Variants in PACRG observed in about 807,000 individuals in gnomAD.
PACRG encodes the protein parkin coregulated.
A neutral mutation model predicts 29.7 loss-of-function variants in PACRG; 29 were observed. The ratio of observed to expected loss-of-function variants is 0.98; its 90% CI spans 0.73 to 1.33. The LOEUF is 1.33. Among genes scored for constraint, PACRG ranks in the 40% most tolerant of loss-of-function variants. PACRG has a pLI of 0.00. For missense variants in PACRG, 279 were observed against 316.2 expected (o/e 0.88, Z 0.89); for synonymous variants, 116 against 118.7 (o/e 0.98, Z 0.15).
At chr6:163,232,473 G>A (rs565707879) in intron 4 of PACRG, among the ~76,000 whole-genome samples, 2 of 152,118 alleles carry the variant, frequency 1.3e-5, no homozygotes, top group African/African-American at 2.4e-5. Context: ...AGGAAAGGAG[G>A]AACAAAGGAA....
At chr6:163,047,910 T>C (rs1179268315) in intron 2 of PACRG, among the ~76,000 whole-genome samples, 1 of 152,228 alleles carries the variant, frequency 6.6e-6, no homozygotes, top group Non-Finnish European at 1.5e-5. Flanking sequence ...AGGTCTTACA[T>C]AGTGATTGTT....
At chr6:163,292,502 G>GC (rs1294555278) in intron 4 of PACRG, among the ~76,000 whole-genome samples, 4 of 152,208 alleles carry the variant, frequency 2.6e-5, no homozygotes, top group Non-Finnish European at 2.9e-5. Flanking sequence ...CTGGGTTCAA[G>GC]CAATTCTCCT....
chr6:163,237,120 C>T (rs1486279018), intron 4 of PACRG, among the ~76,000 whole-genome samples: 2 of 152,118 alleles, frequency 1.3e-5, no homozygotes, highest in Non-Finnish European at 2.9e-5. Context: ...TGGTTTGATA[C>T]AGGCTTTTGA....
At chr6:162,989,022 A>AC (rs201427634) in intron 2 of PACRG, among the ~76,000 whole-genome samples, 1,638 of 152,246 alleles carry the variant, frequency 0.011, 50 homozygotes, top group Non-Finnish European at 9.6e-3. Context: ...AATTCAATAT[A>AC]CTTTTTAAAT....
chr6:163,081,747 C>T (rs572189061), intron 3 of PACRG, among the ~76,000 whole-genome samples: 4 of 151,958 alleles, frequency 2.6e-5, no homozygotes, highest in Non-Finnish European at 4.4e-5. Context: ...CAGAGTAAAA[C>T]CCTGTCTCAG....
chr6:162,893,052 G>T (rs1794902434), intron 2 of PACRG, among the ~76,000 whole-genome samples: 1 of 152,154 alleles, frequency 6.6e-6, no homozygotes, highest in Non-Finnish European at 1.5e-5. Context: ...AGCCTCAGGA[G>T]CCTCGGCCCA....
chr6:163,177,610 G>A (rs190772846), intron 4 of PACRG, among the ~76,000 whole-genome samples: 1 of 151,908 alleles, frequency 6.6e-6, no homozygotes, highest in East Asian at 1.9e-4. Flanking sequence ...GGGCCAAGGT[G>A]TGGCCTGGGG....
intron 2 of PACRG, among the ~76,000 whole-genome samples, chr6:163,016,434 ATTT>A (rs374687175): frequency 6.9e-6 from 1 of 145,288 alleles, no homozygotes; most frequent in Non-Finnish European, 1.5e-5. Context: ...CAGAGTCAAG[ATTT>A]TTTTTTTTTT....
chr6:163,306,396 T>C (rs1785199399), intron 4 of PACRG, among the ~76,000 whole-genome samples: 1 of 152,206 alleles, frequency 6.6e-6, no homozygotes, highest in Non-Finnish European at 1.5e-5. Flanking sequence ...AATTATCCAG[T>C]AGAGGGATAA....
At chr6:162,810,889 T>A (rs1385791644) in intron 1 of PACRG, among the ~76,000 whole-genome samples, 1 of 152,184 alleles carries the variant, frequency 6.6e-6, no homozygotes, top group Non-Finnish European at 1.5e-5. Context: ...AAATAATGAC[T>A]GAAAACTTTC....
intron 2 of PACRG, among the ~76,000 whole-genome samples, chr6:162,818,059 GA>G (rs1260512931): frequency 7.2e-5 from 11 of 151,816 alleles, no homozygotes. Flanking sequence ...TATCACTAAA[GA>G]ATTCTTGATT....
At chr6:163,311,448 C>T (rs778462985) in intron 4 of PACRG, among the ~76,000 whole-genome samples, 12 of 152,186 alleles carry the variant, frequency 7.9e-5, no homozygotes, top group Non-Finnish European at 1.0e-4. Flanking sequence ...TTCTCACAAA[C>T]GTATTTTTCA....
intron 2 of PACRG, among the ~76,000 whole-genome samples, chr6:162,948,466 G>A (rs1195347635): frequency 6.6e-6 from 1 of 152,068 alleles, no homozygotes; most frequent in African/African-American, 2.4e-5. Flanking sequence ...AATGCTTCAG[G>A]AGATTGGTCT....
In PACRG at chr6:163,094,205, T is replaced by C. The variant is rs537206374; in HGVS notation, c.613+4797T>C. 7.2e-4 allele frequency among the ~76,000 whole-genome samples: 109 copies of C among 152,366 alleles called. No homozygotes were observed. In the South Asian group the frequency reaches 0.011, roughly 16 times the overall value. ...CTGTCCCAAAGTTGATGTATGTAAA[T>C]GTTATTTCTCCTCACAGAGATTTAC... On this transcript the variant is annotated intron_variant, in intron 4 of 4. Transcript: ENST00000366888.
Position 163,055,265 on chromosome 6 carries a change from A to G in PACRG, c.292-6885A>G, listed in dbSNP as rs1237792083. Among the ~76,000 whole-genome samples the G allele has an allele frequency of 6.6e-6, 1 of 152,130 alleles. No homozygotes were observed. The highest frequency in any genetic ancestry group is 1.5e-5 in the Non-Finnish European group (1 of 68,022). On this transcript the variant is annotated intron_variant, in intron 2 of 4. Transcript: ENST00000366888. This position sits in a 1 kb window ranked among gnomAD's most constrained non-coding sequence, Gnocchi z 4.0. ...TGGAAATGGAGCAGTGGCTTTTCAG[A>G]AAAAGTACTTAAAGAGAAGTCAGAT...
chr6:163,302,099 T>A (rs1785026929), intron 4 of PACRG, among the ~76,000 whole-genome samples: 1 of 152,218 alleles, frequency 6.6e-6, no homozygotes, highest in Non-Finnish European at 1.5e-5. Context: ...GTATCAAAAG[T>A]CAGCATATTT....
At chr6:163,168,813 C>T (rs1197808865) in intron 4 of PACRG, among the ~76,000 whole-genome samples, 2 of 152,140 alleles carry the variant, frequency 1.3e-5, no homozygotes, top group Non-Finnish European at 2.9e-5. Context: ...ATATTTATCA[C>T]CATGTTTTTC....
intron 4 of PACRG, among the ~76,000 whole-genome samples, chr6:163,286,131 T>G (rs894492919): frequency 2.6e-5 from 4 of 152,226 alleles, no homozygotes; most frequent in Non-Finnish European, 5.9e-5. Flanking sequence ...TCATGCTATT[T>G]TATAGTCCAT....
rs73593717 is a variant in PACRG at position 163,090,844 on chromosome 6, C to T, written c.613+1436C>T. 7.5e-3 allele frequency among the ~76,000 whole-genome samples: 1,137 copies of T among 152,288 alleles called. 19 individuals are homozygous for T. Among genetic ancestry groups the T allele is most frequent in the African/African-American group, 0.026 (1,075 of 41,568 alleles). On this transcript the variant is annotated intron_variant, in intron 4 of 4. Coordinates refer to ENST00000366888, the MANE Select transcript of PACRG (RefSeq NM_001080379.2). ...TGGAAGCATCAGGGAACAGCCACCC[C>T]CAAATGTCTTAGTTAACATTTTTGA...
Sources: allele counts gnomAD v4.1 joint callset (sites outside exome capture counted in the v4.1 genomes callset), GRCh38; gene constraint gnomAD v4.1.1; non-coding constraint Gnocchi (gnomAD v3.1); transcripts MANE v1.5; gene names NCBI Gene and HGNC (gene_info 2026-07-23, HGNC 2026-07-21).